Variants in MALRD1 observed in about 807,000 individuals in gnomAD.
The protein encoded by MALRD1 is MAM and LDL-receptor class A domain-containing protein 1.
Under a neutral mutation model 242.1 loss-of-function variants are expected in MALRD1, and 247 were observed. That is an observed-to-expected ratio of 1.02 (90% CI 0.92 to 1.13). The LOEUF is 1.13. MALRD1 is among the 50% of genes most tolerant of loss of function. MALRD1 has a pLI of 0.00. For missense variants in MALRD1, 2,989 were observed against 2,533.1 expected (o/e 1.18, Z -3.86); for synonymous variants, 995 against 866.6 (o/e 1.15, Z -2.60).
At position 19,116,361 on chromosome 10, in the gene MALRD1, T is replaced by C. The variant is rs1212181147; in HGVS notation, c.695-7131T>C. Among the ~76,000 whole-genome samples the C allele has an allele frequency of 4.6e-5, 7 of 152,350 alleles. No homozygotes were observed. In the East Asian group the frequency reaches 1.2e-3, roughly 25 times the overall value. ...AGCCCTCAAATATACCAATCATCCC[T>C]TTATTAGAATCTGAATGATGCATAT... On this transcript the variant is annotated intron_variant, in intron 5 of 39. Coordinates refer to ENST00000454679, the MANE Select transcript of MALRD1 (RefSeq NM_001142308.3).
At chr10:19,447,105 G>C (rs1835038969) in intron 28 of MALRD1, among the ~76,000 whole-genome samples, 1 of 138,420 alleles carries the variant, frequency 7.2e-6, no homozygotes, top group African/African-American at 2.5e-5. Flanking sequence ...CACACACAGA[G>C]CATGAGCAAG....
intron 26 of MALRD1, among the ~76,000 whole-genome samples, chr10:19,369,143 A>AATAAT (rs1554841068): frequency 1.4e-5 from 2 of 143,056 alleles, no homozygotes; most frequent in African/African-American, 5.1e-5. Context: ...ATTTAAATTT[A>AATAAT]ATATTATATA....
At chr10:19,584,722 C>G (rs1368783224) in intron 33 of MALRD1, among the ~76,000 whole-genome samples, 2 of 151,974 alleles carry the variant, frequency 1.3e-5, no homozygotes, top group Admixed American at 1.3e-4. Context: ...GTGGAGAGTT[C>G]TGTAGATGTC....
chr10:19,165,266 T>TATATATATATATATATATA (rs1554801500), intron 12 of MALRD1, among the ~76,000 whole-genome samples: 90 of 116,090 alleles, frequency 7.8e-4, no homozygotes, highest in African/African-American at 1.4e-3. Flanking sequence ...TATATATATA[T>TATATATATATATATATATA]TTTGTTTTGT....
chr10:19,099,559 C>T (rs2131324146), intron 4 of MALRD1, among the ~76,000 whole-genome samples: 2 of 152,098 alleles, frequency 1.3e-5, no homozygotes, highest in African/African-American at 4.8e-5. Context: ...TCCTATGATC[C>T]ACTTTTATTT....
chr10:19,397,142 T>C (rs1200478434), intron 28 of MALRD1, among the ~76,000 whole-genome samples: 1 of 152,142 alleles, frequency 6.6e-6, no homozygotes, highest in East Asian at 1.9e-4. Context: ...TTGAAATACA[T>C]ATTATTTTTA....
intron 32 of MALRD1, among the ~76,000 whole-genome samples, chr10:19,562,069 G>T (rs1437584929): frequency 1.3e-5 from 2 of 152,172 alleles, no homozygotes; most frequent in Non-Finnish European, 2.9e-5. Context: ...AGGCCAAGGT[G>T]GGTGGATCAC....
intron 13 of MALRD1, among the ~76,000 whole-genome samples, chr10:19,174,241 C>G (rs1835127394): frequency 6.6e-6 from 1 of 152,058 alleles, no homozygotes; most frequent in South Asian, 2.1e-4. Context: ...TTCTTATGAC[C>G]TATTTTGAGG....
At chr10:19,643,464 C>A (rs545487870) in intron 36 of MALRD1, among the ~76,000 whole-genome samples, 1 of 152,140 alleles carries the variant, frequency 6.6e-6, no homozygotes, top group African/African-American at 2.4e-5. Context: ...AATGTTTAAG[C>A]ATTCATGAAT....
At chr10:19,386,721 T>TACACACAC (rs10687440) in intron 26 of MALRD1, among the ~76,000 whole-genome samples, 8 of 148,902 alleles carry the variant, frequency 5.4e-5, no homozygotes, top group Admixed American at 1.4e-4. Flanking sequence ...CATATACATA[T>TACACACAC]ACACACACAC....
intron 17 of MALRD1, among the ~76,000 whole-genome samples, chr10:19,206,623 T>A (rs1175815255): frequency 1.3e-5 from 2 of 152,160 alleles, no homozygotes; most frequent in East Asian, 1.9e-4. Flanking sequence ...AGTGAAAGAA[T>A]GTCGGTTTCT....
intron 29 of MALRD1, among the ~76,000 whole-genome samples, chr10:19,462,988 C>T (rs2358399): frequency 0.86 from 131,506 of 152,196 alleles, 56,973 homozygotes; most frequent in East Asian, 1. Flanking sequence ...ATTATACTTA[C>T]AATGAATTAA....
At chr10:19,071,434 C>T (rs1362600145) in intron 2 of MALRD1, among the ~76,000 whole-genome samples, 1 of 151,960 alleles carries the variant, frequency 6.6e-6, no homozygotes, top group Non-Finnish European at 1.5e-5. Flanking sequence ...TTGCCTTGCA[C>T]TCCATCTGCA....
intron 21 of MALRD1, among the ~76,000 whole-genome samples, chr10:19,296,237 T>C (rs1171557389): frequency 6.6e-6 from 1 of 152,180 alleles, no homozygotes; most frequent in East Asian, 1.9e-4. Flanking sequence ...TTTGGATATG[T>C]GCTCACCTGA....
At chr10:19,593,566 C>T (rs1282905818) in intron 33 of MALRD1, among the ~76,000 whole-genome samples, 1 of 152,088 alleles carries the variant, frequency 6.6e-6, no homozygotes, top group Non-Finnish European at 1.5e-5. Context: ...CTATATTTTC[C>T]CTTAATATAT....
chr10:19,126,374 C>A (rs1426562152), intron 7 of MALRD1, among the ~76,000 whole-genome samples: 1 of 152,100 alleles, frequency 6.6e-6, no homozygotes, highest in African/African-American at 2.4e-5. Context: ...CACTCCATAA[C>A]CTGACTCCTC....
intron 14 of MALRD1, among the ~76,000 whole-genome samples, chr10:19,188,357 T>A (rs936726902): frequency 2.6e-5 from 4 of 152,188 alleles, no homozygotes; most frequent in African/African-American, 9.7e-5. Flanking sequence ...AGAGAAGGGC[T>A]CAAGGAAGCA....
At chr10:19,622,547 A>G (rs1460323194) in intron 36 of MALRD1, among the ~76,000 whole-genome samples, 1 of 151,790 alleles carries the variant, frequency 6.6e-6, no homozygotes, top group African/African-American at 2.4e-5. Flanking sequence ...TAAGTTTAAC[A>G]CAATCTCAAC....
intron 36 of MALRD1, among the ~76,000 whole-genome samples, chr10:19,654,066 C>T (rs1352187170): frequency 6.6e-6 from 1 of 152,078 alleles, no homozygotes; most frequent in Non-Finnish European, 1.5e-5. Flanking sequence ...AATAGGCAGC[C>T]ATAGCTATTT....
Sources: gnomAD v4.1 joint callset for allele counts (sites outside exome capture counted in the v4.1 genomes callset) on GRCh38, gnomAD v4.1.1 for gene constraint, MANE v1.5 for transcripts, NCBI Gene and HGNC (gene_info 2026-07-23, HGNC 2026-07-21) for gene names.